RAPGEF4: variants seen among roughly 807,000 people sequenced by gnomAD.
The protein encoded by RAPGEF4 is Rap guanine nucleotide exchange factor 4.
Under a neutral mutation model 147.9 loss-of-function variants are expected in RAPGEF4, and 66 were observed. That is an observed-to-expected ratio of 0.45 (90% CI 0.37 to 0.55). RAPGEF4 has a LOEUF of 0.55. Ranked by LOEUF, RAPGEF4 falls within the 20% of genes least tolerant of loss-of-function variation. The pLI, the probability that RAPGEF4 is intolerant of heterozygous loss-of-function variation, is 0.00. For synonymous variants in RAPGEF4, 419 were observed against 442.7 expected (o/e 0.95, Z 0.67); for missense variants, 1,071 against 1,257.3 (o/e 0.85, Z 2.24).
chr2:173,001,441 C>A, intron 17 of RAPGEF4, 97 bp downstream of exon 17: 2 of 1,485,682 alleles, frequency 1.3e-6, no homozygotes, highest in South Asian at 1.2e-5. Context: ...TAAGTCATGG[C>A]CCAGGCAGAG....
intron 4 of RAPGEF4, among the ~76,000 whole-genome samples, chr2:172,867,447 C>T (rs1694777874): frequency 6.6e-6 from 1 of 152,056 alleles, no homozygotes; most frequent in Non-Finnish European, 1.5e-5. Flanking sequence ...TTTTAACCTA[C>T]ACAGGAATGG....
intron 10 of RAPGEF4, among the ~76,000 whole-genome samples, chr2:172,972,469 G>A (rs1366464756): frequency 3.3e-5 from 5 of 152,168 alleles, no homozygotes; most frequent in Non-Finnish European, 5.9e-5. Flanking sequence ...AAGCACGACC[G>A]AAAGAACCTA....
At chr2:172,962,277 C>G (rs1689373851) in intron 8 of RAPGEF4, among the ~76,000 whole-genome samples, 1 of 152,152 alleles carries the variant, frequency 6.6e-6, no homozygotes, top group Non-Finnish European at 1.5e-5. Flanking sequence ...GACATGACCT[C>G]AGAACCCATC....
chr2:173,001,203 T>G (rs561515383), intron 16 of RAPGEF4, 63 bp from the exon 17 acceptor site: 5 of 1,605,854 alleles, frequency 3.1e-6, no homozygotes, highest in South Asian at 2.2e-5. Context: ...GAATGGATAC[T>G]CTTGCTTTCC....
rs760970500 is a variant in RAPGEF4 at position 172,735,970 on chromosome 2, C to G, written c.-14C>G. The G allele has an allele frequency of 7.2e-5, 105 of 1,456,798 alleles. No individual in the cohort carries two copies. The Admixed American group carries it at 2.6e-3, about 36-fold the overall frequency. The allele number at this position is 1,456,798 out of a possible 1,614,324, so 90.2% of individuals were successfully genotyped here. A position where few individuals can be genotyped will look rare whatever the true frequency, so the allele number is the denominator to read the frequency against. ...GGTCGCCGCAGCCAGGGACACCGCG[C>G]GCCGCCGCTCAACATGGTCGCTGCG... On this transcript the variant is annotated 5_prime_UTR_variant, in exon 1 of 31. Transcript: ENST00000397081.
chr2:172,762,475 A>G (rs1696440266), intron 1 of RAPGEF4, among the ~76,000 whole-genome samples: 1 of 152,232 alleles, frequency 6.6e-6, no homozygotes, highest in Non-Finnish European at 1.5e-5. Context: ...GGCATCACTT[A>G]TACTCAGTCT....
At chr2:172,783,211 A>G (rs1012369186) in intron 1 of RAPGEF4, among the ~76,000 whole-genome samples, 1 of 152,082 alleles carries the variant, frequency 6.6e-6, no homozygotes. Flanking sequence ...TTATTCATCC[A>G]TCGGCCGAGG....
chr2:172,798,648 C>CTTTTTTTTTTTTTTTTTTTTTTTTTGGG (rs1268901656), intron 3 of RAPGEF4, among the ~76,000 whole-genome samples: 1 of 151,850 alleles, frequency 6.6e-6, no homozygotes, highest in Non-Finnish European at 1.5e-5. Flanking sequence ...GAGGCTTTTT[C>CTTTTTTTTTTTTTTTTTTTTTTTTTGGG]ATAGGTAGCA....
At chr2:172,747,732 G>A (rs1694910279) in intron 1 of RAPGEF4, among the ~76,000 whole-genome samples, 1 of 152,092 alleles carries the variant, frequency 6.6e-6, no homozygotes, top group Non-Finnish European at 1.5e-5. Context: ...CAAAGTGCTG[G>A]GATTACAGGC....
chr2:172,848,974 C>A (rs1692521915), intron 4 of RAPGEF4, among the ~76,000 whole-genome samples: 1 of 151,996 alleles, frequency 6.6e-6, no homozygotes, highest in African/African-American at 2.4e-5. Context: ...TGTATTATAA[C>A]CATTAATCAG....
chr2:173,017,546 T>C lies in RAPGEF4; in HGVS notation c.2008+42T>C, dbSNP rs1260356753. The C allele has an allele frequency of 3.9e-6, 6 of 1,551,710 alleles. No individual in the cohort carries two copies. The African/African-American group carries it at 8.2e-5, about 21-fold the overall frequency. ...AACTAACTCGTAGTTGTATAGATTA[T>C]TTAGTCAGGATAATGGTAAGCATCA... is the stretch of plus-strand genomic sequence containing the variant. On this transcript the variant is annotated intron_variant, in intron 21 of 30. Transcript: ENST00000397081.
At chr2:172,825,525 A>G (rs183784656) in intron 4 of RAPGEF4, among the ~76,000 whole-genome samples, 163 of 152,102 alleles carry the variant, frequency 1.1e-3, no homozygotes, top group Middle Eastern at 3.4e-3. Flanking sequence ...TCTTTTTTTT[A>G]CTGATTATAA....
chr2:172,886,317 G>A (rs1697206666), intron 4 of RAPGEF4, among the ~76,000 whole-genome samples: 2 of 152,270 alleles, frequency 1.3e-5, no homozygotes, highest in African/African-American at 2.4e-5. Context: ...TAACCACAGA[G>A]TTGAGTATCT....
intron 4 of RAPGEF4, among the ~76,000 whole-genome samples, chr2:172,879,586 A>G (rs77930960): frequency 1.4e-3 from 211 of 152,276 alleles, no homozygotes; most frequent in African/African-American, 4.6e-3. Context: ...AGATCACTTG[A>G]GTCCAGTAGT....
chr2:172,964,654 C>G (rs1446269521), intron 8 of RAPGEF4, among the ~76,000 whole-genome samples: 1 of 152,006 alleles, frequency 6.6e-6, no homozygotes, highest in African/African-American at 2.4e-5. Flanking sequence ...TGATTCAGTC[C>G]CAGCTGCAGG....
intron 10 of RAPGEF4, among the ~76,000 whole-genome samples, chr2:172,978,629 C>G (rs1383543479): frequency 6.6e-6 from 1 of 152,210 alleles, no homozygotes; most frequent in Non-Finnish European, 1.5e-5. Context: ...TAACACCGCC[C>G]TCTCCTGCCC....
intron 4 of RAPGEF4, among the ~76,000 whole-genome samples, chr2:172,828,333 A>G (rs1559062783): frequency 3.3e-5 from 5 of 152,198 alleles, no homozygotes; most frequent in Admixed American, 6.5e-5. Context: ...CAGGCAAAGT[A>G]TACAAGTCTT....
intron 4 of RAPGEF4, among the ~76,000 whole-genome samples, chr2:172,859,817 A>G (rs116101179): frequency 1.3e-5 from 2 of 152,292 alleles, no homozygotes; most frequent in African/African-American, 4.8e-5. Flanking sequence ...GAGGCCATCT[A>G]CTGTTTTCGA....
intron 6 of RAPGEF4, among the ~76,000 whole-genome samples, chr2:172,960,025 T>C (rs532095979): frequency 2.6e-5 from 4 of 152,096 alleles, no homozygotes; most frequent in African/African-American, 9.6e-5. Context: ...TTCAAGGCTT[T>C]GAAGCTGCAG....
Sources: allele counts gnomAD v4.1 joint callset (sites outside exome capture counted in the v4.1 genomes callset), GRCh38; gene constraint gnomAD v4.1.1; transcripts MANE v1.5; gene names NCBI Gene and HGNC (gene_info 2026-07-23, HGNC 2026-07-21).